Variants in RPS6KC1 observed in about 807,000 individuals in gnomAD.
The protein encoded by RPS6KC1 is ribosomal protein S6 kinase C1.
RPS6KC1 carries 54 observed loss-of-function variants against 103.8 expected under a neutral mutation model. That is an observed-to-expected ratio of 0.52 (90% CI 0.42 to 0.65). The LOEUF is 0.65. RPS6KC1 is among the 30% of genes least tolerant of loss of function. RPS6KC1 has a pLI of 0.00. For missense variants in RPS6KC1, 1,151 were observed against 1,253.8 expected (o/e 0.92, Z 1.24); for synonymous variants, 439 against 438.7 (o/e 1.00, Z -0.01).
the RPS6KC1 span, among the ~76,000 whole-genome samples, chr1:213,569,017 G>T: frequency 6.6e-6 from 1 of 152,158 alleles, no homozygotes; most frequent in South Asian, 2.1e-4. Flanking sequence ...GAGTGCCCTC[G>T]ACCAGCACCT....
At chr1:213,705,916 T>C in the RPS6KC1 span, among the ~76,000 whole-genome samples, 56 of 152,300 alleles carry the variant, frequency 3.7e-4, no homozygotes, top group African/African-American at 1.3e-3. Context: ...GCTTCACAAC[T>C]CTTACTGTAC....
chr1:213,714,252 G>A, the RPS6KC1 span, among the ~76,000 whole-genome samples: 6 of 152,278 alleles, frequency 3.9e-5, no homozygotes, highest in African/African-American at 1.4e-4. Context: ...ACAGTATTTG[G>A]CACGCTAATG....
chr1:213,485,243 T>C, the RPS6KC1 span, among the ~76,000 whole-genome samples: 2 of 152,280 alleles, frequency 1.3e-5, 1 homozygote, highest in South Asian at 4.2e-4. Context: ...GGAAAATGGC[T>C]CAGAACACAC....
At chr1:213,743,334 T>C in the RPS6KC1 span, among the ~76,000 whole-genome samples, 1 of 152,034 alleles carries the variant, frequency 6.6e-6, no homozygotes, top group African/African-American at 2.4e-5. Flanking sequence ...AGCTGAACAT[T>C]GAACAACTAC....
the RPS6KC1 span, among the ~76,000 whole-genome samples, chr1:213,836,651 T>C: frequency 6.6e-6 from 1 of 152,210 alleles, no homozygotes; most frequent in East Asian, 1.9e-4. Context: ...ATGATGTATA[T>C]AGAAATATAC....
the RPS6KC1 span, among the ~76,000 whole-genome samples, chr1:213,481,889 G>GA: frequency 6.6e-6 from 1 of 152,138 alleles, no homozygotes; most frequent in Non-Finnish European, 1.5e-5. Flanking sequence ...TGGATCATGG[G>GA]GGTGGATTTC....
At chr1:213,588,392 G>A in the RPS6KC1 span, among the ~76,000 whole-genome samples, 16 of 150,920 alleles carry the variant, frequency 1.1e-4, 1 homozygote, top group East Asian at 3.1e-3. Flanking sequence ...TATGCCTCCT[G>A]GGTTCACACC....
chr1:213,557,921 C>T, the RPS6KC1 span, among the ~76,000 whole-genome samples: 2 of 152,040 alleles, frequency 1.3e-5, no homozygotes, highest in African/African-American at 4.8e-5. Context: ...AAGAGGTGCC[C>T]GTCATATTTT....
intron 9 of RPS6KC1, 40 bp from the exon 10 acceptor site, chr1:213,232,071 GGCAACTGAGGAT>G (rs11271079): frequency 0.69 from 1,108,520 of 1,603,856 alleles, 386,103 homozygotes; most frequent in African/African-American, 0.85. Context: ...AGGCTCCAAA[GGCAACTGAGGAT>G]GCAACTGAGG....
chr1:213,792,541 A>G, the RPS6KC1 span, among the ~76,000 whole-genome samples: 1 of 152,132 alleles, frequency 6.6e-6, no homozygotes, highest in Non-Finnish European at 1.5e-5. Context: ...CTTCCCTCAA[A>G]TGGATAGAGA....
intron 6 of RPS6KC1, among the ~76,000 whole-genome samples, chr1:213,147,177 T>C (rs2087965969): frequency 6.6e-6 from 1 of 152,206 alleles, no homozygotes; most frequent in South Asian, 2.1e-4. Context: ...TCATTTGCTG[T>C]GCAGAAGCTT....
At chr1:213,190,383 T>G (rs1377185852) in intron 8 of RPS6KC1, among the ~76,000 whole-genome samples, 1 of 152,220 alleles carries the variant, frequency 6.6e-6, no homozygotes, top group Non-Finnish European at 1.5e-5. Flanking sequence ...TAGTTTTGAT[T>G]TGCATTTCTC....
At chr1:213,692,436 A>G in the RPS6KC1 span, among the ~76,000 whole-genome samples, 1 of 152,046 alleles carries the variant, frequency 6.6e-6, no homozygotes, top group African/African-American at 2.4e-5. Flanking sequence ...ATGAAAGTAA[A>G]GTACACTTGG....
intron 1 of RPS6KC1, among the ~76,000 whole-genome samples, chr1:213,059,980 T>A (rs1200534297): frequency 6.6e-6 from 1 of 152,028 alleles, no homozygotes; most frequent in Non-Finnish European, 1.5e-5. Context: ...CACACCCGGC[T>A]GATTTTTTTG....
chr1:213,137,253 G>A (rs1274264800), intron 6 of RPS6KC1, among the ~76,000 whole-genome samples: 3 of 151,812 alleles, frequency 2.0e-5, no homozygotes, highest in Non-Finnish European at 4.4e-5. Flanking sequence ...CAGTAGGAAG[G>A]CTTTACCAAG....
the RPS6KC1 span, among the ~76,000 whole-genome samples, chr1:213,511,682 A>G: frequency 6.6e-6 from 1 of 152,130 alleles, no homozygotes; most frequent in African/African-American, 2.4e-5. Flanking sequence ...CTTTTCCTCC[A>G]ATAAACTAGA....
the RPS6KC1 span, among the ~76,000 whole-genome samples, chr1:213,376,780 C>T: frequency 7.8e-4 from 119 of 152,296 alleles, no homozygotes; most frequent in Non-Finnish European, 1.3e-3. Flanking sequence ...GTGAACCATA[C>T]AAGTAAACCC....
chr1:213,425,674 C>G, the RPS6KC1 span, among the ~76,000 whole-genome samples: 1 of 152,180 alleles, frequency 6.6e-6, no homozygotes, highest in Non-Finnish European at 1.5e-5. Flanking sequence ...TGAGAGGAGG[C>G]GACGTGGAGG....
At chr1:213,717,107 C>G in the RPS6KC1 span, among the ~76,000 whole-genome samples, 2 of 152,144 alleles carry the variant, frequency 1.3e-5, no homozygotes, top group Non-Finnish European at 2.9e-5. Context: ...GGCCAGCTAG[C>G]AGCATGGCAA....
Sources: gnomAD v4.1 joint callset for allele counts (sites outside exome capture counted in the v4.1 genomes callset) on GRCh38, gnomAD v4.1.1 for gene constraint, MANE v1.5 for transcripts, NCBI Gene and HGNC (gene_info 2026-07-23, HGNC 2026-07-21) for gene names.